The following VPS26A variants were observed in gnomAD, a reference collection of about 807,000 sequenced individuals.
VPS26A encodes vacuolar protein sorting-associated protein 26A.
In VPS26A, 22 loss-of-function variants were observed where a neutral mutation model predicts 42.4. That is an observed-to-expected ratio of 0.52 (90% CI 0.37 to 0.74). The LOEUF (loss-of-function observed/expected upper bound fraction) is 0.74. Ranked by LOEUF, VPS26A falls within the 30% of genes least tolerant of loss-of-function variation. VPS26A has a pLI of 0.00. For missense variants in VPS26A, 276 were observed against 379.2 expected, an observed-to-expected ratio of 0.73 and a Z score of 2.26; for synonymous variants, 110 against 123.5, an observed-to-expected ratio of 0.89 and a Z score of 0.73.
chr10:69,158,818 C>G (rs532716159), intron 5 of VPS26A, among the ~76,000 whole-genome samples: 1 of 152,192 alleles, frequency 6.6e-6, no homozygotes, highest in South Asian at 2.1e-4. Context: ...CTCTCATACT[C>G]CCCATAGGTT....
intron 2 of VPS26A, among the ~76,000 whole-genome samples, chr10:69,149,751 T>G (rs199773940): frequency 3.4e-4 from 27 of 79,558 alleles, no homozygotes; most frequent in African/African-American, 5.4e-4. Flanking sequence ...TTTTTTTTTT[T>G]TTTTTTTTTT....
intron 6 of VPS26A, among the ~76,000 whole-genome samples, chr10:69,164,065 C>T (rs1383380161): frequency 6.6e-6 from 1 of 152,054 alleles, no homozygotes; most frequent in African/African-American, 2.4e-5. Context: ...CCGCGCCCGG[C>T]CTAATTTTCA....
intron 4 of VPS26A, among the ~76,000 whole-genome samples, chr10:69,157,798 G>A (rs1841465212): frequency 6.6e-6 from 1 of 152,150 alleles, no homozygotes; most frequent in African/African-American, 2.4e-5. Flanking sequence ...CTTCAAGTAG[G>A]CTTGATGACA....
intron 2 of VPS26A, among the ~76,000 whole-genome samples, chr10:69,143,491 G>A (rs1468292922): frequency 6.6e-6 from 1 of 152,162 alleles, no homozygotes; most frequent in Non-Finnish European, 1.5e-5. Flanking sequence ...ACTTTTCAGA[G>A]TGTGGGGATT....
intron 2 of VPS26A, among the ~76,000 whole-genome samples, chr10:69,141,538 A>C (rs1017306680): frequency 1.3e-5 from 2 of 152,212 alleles, no homozygotes; most frequent in African/African-American, 2.4e-5. Flanking sequence ...TAGGGAATAC[A>C]ATCATACCAT....
At chr10:69,146,718 C>T (rs1273442267) in intron 2 of VPS26A, among the ~76,000 whole-genome samples, 1 of 152,134 alleles carries the variant, frequency 6.6e-6, no homozygotes, top group African/African-American at 2.4e-5. Flanking sequence ...CAGGGTTCAT[C>T]CATGTTATTG....
At chr10:69,140,244 A>G (rs1431418708) in intron 2 of VPS26A, among the ~76,000 whole-genome samples, 4 of 152,032 alleles carry the variant, frequency 2.6e-5, no homozygotes, top group Non-Finnish European at 1.5e-5. Flanking sequence ...ATTAAAAAAT[A>G]TATATTTTTT....
intron 6 of VPS26A, among the ~76,000 whole-genome samples, chr10:69,163,188 C>T (rs776139375): frequency 2.0e-5 from 3 of 152,042 alleles, no homozygotes; most frequent in Non-Finnish European, 4.4e-5. Context: ...TGGTTGTTTC[C>T]GGTCTTTTGC....
At chr10:69,170,084 T>C (rs555168207) in intron 8 of VPS26A, 1 of 152,304 alleles carries the variant, frequency 6.6e-6, no homozygotes, top group South Asian at 2.1e-4. Flanking sequence ...AAAGCTAAGT[T>C]AGAAATTACC....
chr10:69,165,148 G>C (rs1016289652), intron 6 of VPS26A, among the ~76,000 whole-genome samples: 5 of 151,930 alleles, frequency 3.3e-5, no homozygotes, highest in Admixed American at 3.3e-4. Context: ...GGCTGGTCTC[G>C]AACTCCTGAG....
chr10:69,158,452 C>T (rs1022995073), intron 5 of VPS26A, among the ~76,000 whole-genome samples: 5 of 152,114 alleles, frequency 3.3e-5, no homozygotes, highest in Admixed American at 2.6e-4. Context: ...ATGTCACCAT[C>T]TCAGAAGGCA....
intron 2 of VPS26A, among the ~76,000 whole-genome samples, chr10:69,152,457 G>A (rs1247647007): frequency 6.6e-6 from 1 of 151,846 alleles, no homozygotes; most frequent in East Asian, 1.9e-4. Context: ...CCATCATATG[G>A]TGTATCACAA....
chr10:69,149,727 GTTTTTTGTTTTTTTTTTTTT>G (rs1258013309), intron 2 of VPS26A, among the ~76,000 whole-genome samples: 45 of 93,958 alleles, frequency 4.8e-4, no homozygotes, highest in African/African-American at 2.0e-3. Context: ...CTTTCTTGGT[GTTTTTTGTTTTTTTTTTTTT>G]TTTTTTTTTT....
chr10:69,137,467 T>C (rs1375196981), intron 2 of VPS26A, among the ~76,000 whole-genome samples: 1 of 152,166 alleles, frequency 6.6e-6, no homozygotes, highest in Non-Finnish European at 1.5e-5. Context: ...GATACCCTTG[T>C]TTCTTGTGCA....
At position 69,174,035 on chromosome 10, in the gene VPS26A, G is replaced by T. The variant is rs1023081138; in HGVS notation, c.*2766G>T. Among the ~76,000 whole-genome samples the T allele has an allele frequency of 2.0e-5, 3 of 152,166 alleles. No individual in the cohort carries two copies. The highest frequency in any genetic ancestry group is 7.2e-5 in the African/African-American group (3 of 41,450). On this transcript the variant is annotated 3_prime_UTR_variant, in exon 9 of 9. Transcript: ENST00000263559. ...ATGGACCAATCAGCAGGACGTGGGC[G>T]GGGACAAATAAGAGAATAAAAGCTG...
intron 2 of VPS26A, among the ~76,000 whole-genome samples, chr10:69,135,379 A>G (rs1840883396): frequency 6.6e-6 from 1 of 152,184 alleles, no homozygotes; most frequent in Non-Finnish European, 1.5e-5. Flanking sequence ...GGATAAAGGA[A>G]AAGGGGGGTG....
At chr10:69,136,269 CTTTT>C (rs758313238) in intron 2 of VPS26A, among the ~76,000 whole-genome samples, 1 of 142,168 alleles carries the variant, frequency 7.0e-6, no homozygotes. Flanking sequence ...CTTTTCTTTT[CTTTT>C]TTTTTTTTTG....
chr10:69,148,554 A>G (rs1378008171), intron 2 of VPS26A, among the ~76,000 whole-genome samples: 2 of 152,230 alleles, frequency 1.3e-5, no homozygotes, highest in African/African-American at 4.8e-5. Flanking sequence ...CAGCAACAAT[A>G]ATATACAGAT....
intron 2 of VPS26A, among the ~76,000 whole-genome samples, chr10:69,142,981 A>G (rs1841077154): frequency 6.6e-6 from 1 of 152,206 alleles, no homozygotes; most frequent in African/African-American, 2.4e-5. Context: ...ATATAAGAAA[A>G]GCCCTTATTT....
Sources: gnomAD v4.1 joint callset for allele counts (sites outside exome capture counted in the v4.1 genomes callset) on GRCh38, gnomAD v4.1.1 for gene constraint, MANE v1.5 for transcripts, NCBI Gene and HGNC (gene_info 2026-07-23, HGNC 2026-07-21) for gene names.